Variants in HSF2BP observed in about 807,000 individuals in gnomAD.
HSF2BP encodes the protein heat shock factor 2-binding protein.
HSF2BP carries 35 observed loss-of-function variants against 35.0 expected under a neutral mutation model. The observed-to-expected ratio is 1.00, with a 90% CI of 0.76 to 1.32. HSF2BP has a LOEUF of 1.32. Ranked by LOEUF, HSF2BP falls within the 40% of genes most tolerant of loss-of-function variation. The pLI is 0.00. For missense variants in HSF2BP, 326 were observed against 321.7 expected, an observed-to-expected ratio of 1.01 and a Z score of -0.10; for synonymous variants, 114 against 117.4, an observed-to-expected ratio of 0.97 and a Z score of 0.18.
At position 43,600,811 on chromosome 21, in the gene HSF2BP, C is replaced by T. The variant is rs573540418; in HGVS notation, c.693-8483G>A. 4.6e-5 allele frequency among the ~76,000 whole-genome samples: 7 copies of T among 152,308 alleles called. No homozygotes were observed. In the East Asian group the frequency reaches 5.8e-4, roughly 13 times the overall value. On this transcript the variant is annotated intron_variant, in intron 7 of 8. Transcript: ENST00000291560. ...TCCCTTGGTGAACGCTACCCAAAGG[C>T]GTGCTTCAGGGAGGTGTAACCACAG...
At chr21:43,579,444 G>A (rs62226864) in intron 8 of HSF2BP, among the ~76,000 whole-genome samples, 1,890 of 152,256 alleles carry the variant, frequency 0.012, 25 homozygotes, top group Non-Finnish European at 0.017. Flanking sequence ...GAACTGCAGG[G>A]GACGGTGAAC....
At chr21:43,655,505 CAGCA>C (rs1568946750) in intron 3 of HSF2BP, among the ~76,000 whole-genome samples, 2 of 152,290 alleles carry the variant, frequency 1.3e-5, no homozygotes, top group East Asian at 3.9e-4. Context: ...AGGGGCAGTC[CAGCA>C]AGAGCTAGGA....
intron 6 of HSF2BP, among the ~76,000 whole-genome samples, chr21:43,623,598 C>T (rs988876645): frequency 1.3e-5 from 2 of 152,182 alleles, no homozygotes; most frequent in Non-Finnish European, 2.9e-5. Flanking sequence ...CAAAGCCTGA[C>T]TTTATGCTGT....
chr21:43,616,035 G>A (rs1192297722), intron 6 of HSF2BP, among the ~76,000 whole-genome samples: 7 of 98,868 alleles, frequency 7.1e-5, no homozygotes, highest in South Asian at 3.7e-4. Context: ...CTAATACATC[G>A]CTGAAGAAAA....
At chr21:43,639,730 T>C (rs963708033) in intron 4 of HSF2BP, among the ~76,000 whole-genome samples, 3 of 152,186 alleles carry the variant, frequency 2.0e-5, no homozygotes, top group African/African-American at 7.2e-5. Context: ...TTTGGCAATT[T>C]CTTCCAAAAC....
chr21:43,604,463 AAC>A (rs1247660380), intron 7 of HSF2BP, among the ~76,000 whole-genome samples: 3 of 120,526 alleles, frequency 2.5e-5, no homozygotes, highest in Non-Finnish European at 3.5e-5. Flanking sequence ...CCACACACAC[AAC>A]ACACAGCACG....
intron 3 of HSF2BP, among the ~76,000 whole-genome samples, chr21:43,649,209 G>A (rs1027394072): frequency 2.2e-4 from 34 of 151,858 alleles, no homozygotes; most frequent in African/African-American, 7.5e-4. Context: ...TGTGCTGACC[G>A]CGCCTGGCCT....
chr21:43,635,483 G>C (rs1286384659), intron 4 of HSF2BP, among the ~76,000 whole-genome samples: 1 of 152,126 alleles, frequency 6.6e-6, no homozygotes, highest in Non-Finnish European at 1.5e-5. Context: ...TATAAGGATG[G>C]ACATATAGAT....
intron 5 of HSF2BP, among the ~76,000 whole-genome samples, chr21:43,632,283 C>T (rs1418145745): frequency 2.7e-5 from 2 of 74,988 alleles, no homozygotes; most frequent in Non-Finnish European, 5.3e-5. Flanking sequence ...CCCCCACACA[C>T]ACACACAGGC....
intron 6 of HSF2BP, among the ~76,000 whole-genome samples, chr21:43,625,630 C>T (rs2082380696): frequency 6.6e-6 from 1 of 152,142 alleles, no homozygotes; most frequent in African/African-American, 2.4e-5. Context: ...GGAAAAGGAT[C>T]CATTTGAGAG....
chr21:43,634,581 C>A (rs780526350), intron 4 of HSF2BP, among the ~76,000 whole-genome samples: 32 of 152,202 alleles, frequency 2.1e-4, no homozygotes, highest in Non-Finnish European at 2.6e-4. Flanking sequence ...AGCTTTGGAG[C>A]CACAAATCAA....
At chr21:43,619,312 C>G (rs1472979045) in intron 6 of HSF2BP, among the ~76,000 whole-genome samples, 1 of 152,146 alleles carries the variant, frequency 6.6e-6, no homozygotes, top group African/African-American at 2.4e-5. Flanking sequence ...ACAAATACCT[C>G]TTACAACTCA....
chr21:43,572,208 G>C (rs992907488), intron 8 of HSF2BP, among the ~76,000 whole-genome samples: 2 of 152,212 alleles, frequency 1.3e-5, no homozygotes, highest in African/African-American at 4.8e-5. Flanking sequence ...AACACGACAT[G>C]TCCAGCTCTG....
intron 7 of HSF2BP, among the ~76,000 whole-genome samples, chr21:43,596,968 G>T (rs1231316348): frequency 6.6e-6 from 1 of 151,956 alleles, no homozygotes; most frequent in East Asian, 1.9e-4. Flanking sequence ...ATAGCACCAG[G>T]CAGCGACCCT....
chr21:43,627,815 G>A (rs777047440), intron 6 of HSF2BP, among the ~76,000 whole-genome samples: 1 of 152,110 alleles, frequency 6.6e-6, no homozygotes, highest in East Asian at 1.9e-4. Context: ...AAGTCTGTTG[G>A]TGCCATTTTT....
rs2082438268 is a variant in HSF2BP, at chr21:43,630,302, T to C, written c.574+20A>G. 13 of 1,599,316 alleles carry C rather than the reference T, an allele frequency of 8.1e-6. No individual in the cohort carries two copies. The highest frequency in any genetic ancestry group is 1.3e-5 in the African/African-American group (1 of 74,442). ...TCTGGAAGCAAACAGGCAACATCTC[T>C]CAGGTGCGCCTGCACTTACTCGTGA... On this transcript the variant is annotated intron_variant, in intron 6 of 8. Coordinates refer to ENST00000291560, the MANE Select transcript of HSF2BP (RefSeq NM_007031.2).
chr21:43,625,327 G>A (rs1568922904), intron 6 of HSF2BP, among the ~76,000 whole-genome samples: 4 of 151,866 alleles, frequency 2.6e-5, no homozygotes, highest in African/African-American at 9.7e-5. Context: ...GGCATATGCT[G>A]GACACCATAC....
chr21:43,611,773 G>A (rs113818997), intron 7 of HSF2BP, among the ~76,000 whole-genome samples: 3 of 152,228 alleles, frequency 2.0e-5, no homozygotes, highest in Admixed American at 1.3e-4. Flanking sequence ...GCCGCAGGGC[G>A]GGATGAGGGC....
intron 8 of HSF2BP, among the ~76,000 whole-genome samples, chr21:43,577,797 C>T (rs1209280261): frequency 6.6e-6 from 1 of 152,242 alleles, no homozygotes; most frequent in African/African-American, 2.4e-5. Context: ...CCATTGTGAT[C>T]TGTTCCTGCC....
Sources: gnomAD v4.1 joint callset for allele counts (sites outside exome capture counted in the v4.1 genomes callset) on GRCh38, gnomAD v4.1.1 for gene constraint, MANE v1.5 for transcripts, NCBI Gene and HGNC (gene_info 2026-07-23, HGNC 2026-07-21) for gene names.